The following RBFOX1 variants were observed in gnomAD, a reference collection of about 807,000 sequenced individuals.
The protein encoded by RBFOX1 is RNA binding protein fox-1 homolog 1.
In RBFOX1, 8 loss-of-function variants were observed where a neutral mutation model predicts 57.7. The observed-to-expected ratio is 0.14, with a 90% CI of 0.08 to 0.25. The LOEUF is 0.25. Among genes scored for constraint, RBFOX1 ranks in the 10% least tolerant of loss-of-function variants. The probability of loss-of-function intolerance (pLI) is 1.00; values close to 1 mark genes in which losing one functional copy is unlikely to be tolerated. For missense variants in RBFOX1, 611 were observed against 548.5 expected, an observed-to-expected ratio of 1.11 and a Z score of -1.14; for synonymous variants, 326 against 222.4, an observed-to-expected ratio of 1.47 and a Z score of -4.15.
At chr16:7,672,360 C>G (rs1323265874) in intron 13 of RBFOX1, among the ~76,000 whole-genome samples, 3 of 152,178 alleles carry the variant, frequency 2.0e-5, no homozygotes, top group African/African-American at 7.2e-5. Context: ...CTTTCCCTAT[C>G]TCTGCAATTC....
At chr16:6,964,670 T>A (rs2083720155) in intron 3 of RBFOX1, among the ~76,000 whole-genome samples, 1 of 152,198 alleles carries the variant, frequency 6.6e-6, no homozygotes, top group Non-Finnish European at 1.5e-5. Flanking sequence ...ACTCATTCCT[T>A]CCCAGGATTT....
intron 2 of RBFOX1, among the ~76,000 whole-genome samples, chr16:6,501,297 C>T (rs1368949373): frequency 2.4e-5 from 3 of 122,494 alleles, no homozygotes; most frequent in African/African-American, 6.1e-5. Context: ...CCCCTCCCCC[C>T]ACCCCACAAC....
At chr16:6,458,387 A>G (rs531371473) in intron 2 of RBFOX1, among the ~76,000 whole-genome samples, 4 of 152,322 alleles carry the variant, frequency 2.6e-5, no homozygotes, top group African/African-American at 9.6e-5. Context: ...TTCTCCATCT[A>G]TTAATGAAGA....
intron 2 of RBFOX1, among the ~76,000 whole-genome samples, chr16:5,470,182 A>G (rs994953714): frequency 6.6e-6 from 1 of 152,182 alleles, no homozygotes. Flanking sequence ...GCTGGCCTTC[A>G]CCCGTGTTTC....
At chr16:7,336,603 C>G (rs1013331829) in intron 4 of RBFOX1, among the ~76,000 whole-genome samples, 1 of 152,154 alleles carries the variant, frequency 6.6e-6, no homozygotes, top group Admixed American at 6.5e-5. Flanking sequence ...AGTAGGTAAA[C>G]CCCAACTATA....
rs181672247 is a variant in RBFOX1 at position 7,217,921 on chromosome 16, T to C, written c.27+165823T>C. ...ATGTGTGTGCATGTGTGTGTGTGAGTGTAGGTGTGTGCGTGCATGTGTGTG... is the reference window on the plus strand; with the variant it reads ...ATGTGTGTGCATGTGTGTGTGTGAGCGTAGGTGTGTGCGTGCATGTGTGTG... On this transcript the variant is annotated intron_variant, in intron 4 of 15. Transcript: ENST00000550418. Among the ~76,000 whole-genome samples, 1,295 of 151,432 alleles carry C rather than the reference T, an allele frequency of 8.6e-3. 20 individuals carry two copies. The highest frequency in any genetic ancestry group is 0.025 in the African/African-American group (1,036 of 41,296).
intron 5 of RBFOX1, among the ~76,000 whole-genome samples, chr16:7,545,514 G>C (rs1482979768): frequency 6.6e-6 from 1 of 152,280 alleles, no homozygotes; most frequent in South Asian, 2.1e-4. Context: ...CAAGCCGCTA[G>C]CTGTGTTAAT....
intron 3 of RBFOX1, among the ~76,000 whole-genome samples, chr16:5,646,976 G>A (rs1359541158): frequency 3.9e-5 from 6 of 152,168 alleles, no homozygotes; most frequent in Non-Finnish European, 8.8e-5. Context: ...CGAGAAAGGG[G>A]AGCGCAGCCG....
chr16:6,621,518 G>T (rs929599978), intron 2 of RBFOX1, among the ~76,000 whole-genome samples: 1 of 152,140 alleles, frequency 6.6e-6, no homozygotes, highest in Non-Finnish European at 1.5e-5. Context: ...GTGTCAGGCT[G>T]TACCCTAAAT....
chr16:5,572,035 C>A lies in RBFOX1; in HGVS notation c.259-26867C>A, dbSNP rs925233718. Among the ~76,000 whole-genome samples, 11 of 152,174 alleles carry A rather than the reference C, an allele frequency of 7.2e-5. No homozygotes were observed. The South Asian group carries it at 2.1e-3, about 29-fold the overall frequency. On this transcript the variant is annotated intron_variant, in intron 2 of 2. Coordinates refer to the RBFOX1 transcript ENST00000585867. ...CCATTAGACACACTGCAAAGAGGAACACAAGAAGCCCTCCTGACATAGAAC... is the reference window on the plus strand; with the variant it reads ...CCATTAGACACACTGCAAAGAGGAAAACAAGAAGCCCTCCTGACATAGAAC...
Position 5,272,507 on chromosome 16 carries a change from G to T in RBFOX1, c.219+32402G>T, listed in dbSNP as rs575952316. 2.6e-5 allele frequency among the ~76,000 whole-genome samples: 4 copies of T among 152,294 alleles called. No homozygotes were observed. In the East Asian group the frequency reaches 7.7e-4, roughly 29 times the overall value. On this transcript the variant is annotated intron_variant, in intron 1 of 2. Coordinates refer to the RBFOX1 transcript ENST00000585867. ...AGATTTCTACTGAGATCAGTGTAGG[G>T]ATTCAATATCTCAGAATCGTCCCAT... is the stretch of plus-strand genomic sequence containing the variant.
At chr16:6,376,799 C>T (rs2091232619) in intron 2 of RBFOX1, among the ~76,000 whole-genome samples, 2 of 152,132 alleles carry the variant, frequency 1.3e-5, no homozygotes, top group African/African-American at 4.8e-5. Context: ...ATTAGCAGCG[C>T]CATGCATTCT....
intron 4 of RBFOX1, among the ~76,000 whole-genome samples, chr16:7,192,849 A>T (rs1233305690): frequency 6.6e-6 from 1 of 152,244 alleles, no homozygotes; most frequent in Non-Finnish European, 1.5e-5. Flanking sequence ...ACTAATACGG[A>T]AGATGAAGTC....
chr16:7,350,702 T>G (rs1603626771), intron 4 of RBFOX1, among the ~76,000 whole-genome samples: 1 of 152,326 alleles, frequency 6.6e-6, no homozygotes, highest in East Asian at 1.9e-4. Flanking sequence ...TGCTGCCATT[T>G]CTTTGATCTT....
chr16:5,256,305 G>T (rs186283202), intron 1 of RBFOX1, among the ~76,000 whole-genome samples: 1 of 152,172 alleles, frequency 6.6e-6, no homozygotes, highest in Non-Finnish European at 1.5e-5. Flanking sequence ...GCAGAGTTGA[G>T]TGATCCAGTC....
At chr16:5,287,482 C>T (rs557609046) in intron 1 of RBFOX1, among the ~76,000 whole-genome samples, 15 of 152,286 alleles carry the variant, frequency 9.8e-5, no homozygotes, top group Middle Eastern at 3.4e-3. Context: ...AGATAAAGGA[C>T]GGTCGCCCTT....
At position 7,606,425 on chromosome 16, in the gene RBFOX1, C is replaced by T. The variant is rs535350180; in HGVS notation, c.623-860C>T. 3.3e-5 allele frequency among the ~76,000 whole-genome samples: 5 copies of T among 152,198 alleles called. No homozygotes were observed. The East Asian group carries it at 7.7e-4, about 24-fold the overall frequency. On this transcript the variant is annotated intron_variant, in intron 9 of 15. Coordinates refer to ENST00000550418, the MANE Select transcript of RBFOX1 (RefSeq NM_018723.4). The stretch of plus-strand genomic sequence containing the variant: ...CATGAGCCACTTCACCCAGCCCGCA[C>T]GGATGCTTTTATGAAGACTTAGCCA...
Position 6,287,185 on chromosome 16 carries a change from G to A in RBFOX1, c.-126-29810G>A, listed in dbSNP as rs558758047. Among the ~76,000 whole-genome samples the A allele has an allele frequency of 2.0e-5, 3 of 152,244 alleles. No individual in the cohort carries two copies. The East Asian group carries it at 5.8e-4, about 29-fold the overall frequency. On this transcript the variant is annotated intron_variant, in intron 1 of 15. Transcript: ENST00000550418. ...AAAACTCCATTTGAATGCAAATTCA[G>A]CCTCCAAGAATGAACTTTGTGAACT...
chr16:5,326,754 C>T (rs1407595990), intron 1 of RBFOX1, among the ~76,000 whole-genome samples: 1 of 152,192 alleles, frequency 6.6e-6, no homozygotes, highest in Non-Finnish European at 1.5e-5. Context: ...ATGATGATGT[C>T]TGGCAATGAA....
Sources: allele counts gnomAD v4.1 joint callset (sites outside exome capture counted in the v4.1 genomes callset), GRCh38; gene constraint gnomAD v4.1.1; transcripts MANE v1.5; gene names NCBI Gene and HGNC (gene_info 2026-07-23, HGNC 2026-07-21).